HKDC1: variants seen among roughly 807,000 people sequenced by gnomAD.
The protein encoded by HKDC1 is hexokinase domain containing 1.
In HKDC1, 66 loss-of-function variants were observed where a neutral mutation model predicts 96.6. The observed-to-expected ratio is 0.68, with a 90% confidence interval of 0.56 to 0.84. HKDC1 has a LOEUF of 0.84. HKDC1 is among the 40% of genes least tolerant of loss of function. HKDC1 has a pLI of 0.00. For missense variants in HKDC1, 1,211 were observed against 1,208.1 expected (o/e 1.00, Z -0.04); for synonymous variants, 466 against 473.1 (o/e 0.98, Z 0.20).
At chr10:69,262,452 A>G (rs1843824679) in intron 16 of HKDC1, among the ~76,000 whole-genome samples, 1 of 152,048 alleles carries the variant, frequency 6.6e-6, no homozygotes, top group African/African-American at 2.4e-5. Flanking sequence ...CATCACCATC[A>G]GTTATGTACA....
At chr10:69,265,526 C>A in intron 16 of HKDC1, 59 bp from the exon 17 acceptor site, 2 of 1,468,600 alleles carry the variant, frequency 1.4e-6, no homozygotes, top group Non-Finnish European at 1.9e-6. Context: ...GTGGGTCACA[C>A]TGGGCACATC....
chr10:69,255,313 T>C (rs1311424122), intron 12 of HKDC1, among the ~76,000 whole-genome samples: 1 of 152,232 alleles, frequency 6.6e-6, no homozygotes, highest in Non-Finnish European at 1.5e-5. Context: ...GTCTCTCTAA[T>C]GTTCTACACA....
rs761892943 is a variant in HKDC1 at position 69,265,545 on chromosome 10, C to T, written c.2373-40C>T. 5 of 1,586,872 alleles carry T rather than the reference C, an allele frequency of 3.2e-6. No individual in the cohort carries two copies. In the South Asian group the frequency reaches 4.4e-5, roughly 14 times the overall value. ...GTCACACTGGGCACATCCCGGGGTC[C>T]TGGGAAGCAGGTCCTGACTCCCTGC... On this transcript the variant is annotated intron_variant, in intron 16 of 17. Coordinates refer to ENST00000354624, the MANE Select transcript of HKDC1 (RefSeq NM_025130.4).
intron 12 of HKDC1, among the ~76,000 whole-genome samples, chr10:69,255,858 G>A (rs549129903): frequency 5.9e-5 from 9 of 151,588 alleles, no homozygotes; most frequent in African/African-American, 1.5e-4. Context: ...CAGAGGTTGC[G>A]GTGAGTTGAG....
intron 12 of HKDC1, among the ~76,000 whole-genome samples, chr10:69,253,016 T>TGTGTGTGTG (rs1843668191): frequency 8.4e-6 from 1 of 119,010 alleles, no homozygotes; most frequent in African/African-American, 3.6e-5. Flanking sequence ...GTGTGTGTGT[T>TGTGTGTGTG]TCTGTGTGTA....
intron 12 of HKDC1, among the ~76,000 whole-genome samples, chr10:69,255,738 G>A (rs1483589593): frequency 6.6e-6 from 1 of 152,044 alleles, no homozygotes; most frequent in Non-Finnish European, 1.5e-5. Flanking sequence ...CCAACATGAT[G>A]AAACCTCGTC....
intron 12 of HKDC1, 144 bp from the exon 13 acceptor site, chr10:69,256,892 A>G (rs1276113036): frequency 4.5e-6 from 3 of 660,512 alleles, no homozygotes; most frequent in Non-Finnish European, 8.4e-6. Context: ...GCCCAGGGTT[A>G]GGGTTGTGGA....
chr10:69,238,710 G>A (rs962697784), intron 4 of HKDC1, among the ~76,000 whole-genome samples: 3 of 152,230 alleles, frequency 2.0e-5, no homozygotes, highest in African/African-American at 7.2e-5. Flanking sequence ...ATTCCTTTGA[G>A]AGAGGTAGGG....
Position 69,257,428 on chromosome 10 carries a change from TAGGTGGTC to T in HKDC1, c.2032+6_2032+13del, listed in dbSNP as rs748428843. 4.4e-6 allele frequency: 7 copies of T among 1,604,244 alleles called. No homozygotes were observed. The East Asian group carries it at 1.6e-4, about 36-fold the overall frequency. Reference sequence around the variant, plus strand: ...ATTGTGAGATTGGCCTGATTGCAGGTAGGTGGTCAGGCATGGCCCATTGGCCTAATCCC... The same window carrying T: ...ATTGTGAGATTGGCCTGATTGCAGGTAGGCATGGCCCATTGGCCTAATCCC... On this transcript the variant is annotated splice_donor_5th_base_variant and intron_variant, in intron 14 of 17. Transcript: ENST00000354624.
chr10:69,234,328 T>C (rs953376665), intron 4 of HKDC1, among the ~76,000 whole-genome samples: 3 of 152,248 alleles, frequency 2.0e-5, no homozygotes, highest in Non-Finnish European at 4.4e-5. Flanking sequence ...ACACATGGCT[T>C]TGAATCATGG....
At chr10:69,265,172 C>A (rs114778683) in intron 16 of HKDC1, among the ~76,000 whole-genome samples, 6 of 151,996 alleles carry the variant, frequency 3.9e-5, no homozygotes, top group Non-Finnish European at 7.4e-5. Context: ...GGAGCTGGCA[C>A]GATTTGTGGG....
chr10:69,231,463 C>T (rs1239164546), intron 2 of HKDC1, among the ~76,000 whole-genome samples: 2 of 152,082 alleles, frequency 1.3e-5, no homozygotes, highest in Non-Finnish European at 2.9e-5. Flanking sequence ...CATTCCTTTG[C>T]CCGTGGTTCC....
chr10:69,256,536 A>G (rs10998675), intron 12 of HKDC1, among the ~76,000 whole-genome samples: 48,052 of 151,938 alleles, frequency 0.32, 7,660 homozygotes, highest in Middle Eastern at 0.4. Flanking sequence ...GTGAAACCCC[A>G]TCTCTACTAA....
chr10:69,238,993 A>C, intron 4 of HKDC1, 49 bp from the exon 5 acceptor site: 4 of 1,367,044 alleles, frequency 2.9e-6, no homozygotes, highest in Non-Finnish European at 4.1e-6. Flanking sequence ...GCTCAGTTGC[A>C]CATCTCAGCA....
chr10:69,257,288 G>C (rs1261999579), intron 13 of HKDC1, 39 bp from the exon 14 acceptor site: 2 of 1,580,470 alleles, frequency 1.3e-6, no homozygotes, highest in Non-Finnish European at 1.7e-6. Context: ...TCAACTCATA[G>C]TAAAGCTGGG....
chr10:69,239,154 G>C lies in HKDC1; in HGVS notation c.591+17G>C. The C allele has an allele frequency of 1.3e-6, 2 of 1,596,332 alleles. No homozygotes were observed. The highest frequency in any genetic ancestry group is 8.6e-7 in the Non-Finnish European group (1 of 1,164,574). ...AGACACAAGGTGAGGAATTCACCTC[G>C]GTGTGGGAGGCTCTCCCAGCCCTAG... is the stretch of plus-strand genomic sequence containing the variant. On this transcript the variant is annotated intron_variant, in intron 5 of 17. Transcript: ENST00000354624.
rs778294147 is a variant in HKDC1 at position 69,250,283 on chromosome 10, A to G, written c.1571-7A>G. On this transcript the variant is annotated splice_polypyrimidine_tract_variant and splice_region_variant and intron_variant, in intron 10 of 17. Coordinates refer to ENST00000354624, the MANE Select transcript of HKDC1 (RefSeq NM_025130.4). ...ATGGAATGCAGCTGCTGCTTTCTCCATCACAGAGAAAGGAAAGTTTCTCGC... is the reference window on the plus strand; with the variant it reads ...ATGGAATGCAGCTGCTGCTTTCTCCGTCACAGAGAAAGGAAAGTTTCTCGC... 15 of 1,611,442 alleles carry G rather than the reference A, an allele frequency of 9.3e-6. No individual in the cohort carries two copies. The highest frequency in any genetic ancestry group is 1.2e-5 in the Non-Finnish European group (14 of 1,178,736).
Position 69,220,374 on chromosome 10 carries a change from C to A in HKDC1, c.-62C>A. ...CTGGAAGCGTGCAACACTCCAGAGT[C>A]GTAGGAGTGAACACTGCACAGGAAT... On this transcript the variant is annotated 5_prime_UTR_variant, in exon 1 of 18. Coordinates refer to ENST00000354624, the MANE Select transcript of HKDC1 (RefSeq NM_025130.4). The A allele has an allele frequency of 7.5e-7, 1 of 1,338,508 alleles. No homozygotes were observed. Among genetic ancestry groups the A allele is most frequent in the South Asian group, 1.4e-5 (1 of 70,838 alleles). The allele number at this position is 1,338,508 out of a possible 1,614,324, so 82.9% of individuals were successfully genotyped here.
At chr10:69,232,520 C>G in intron 2 of HKDC1, 1 of 533,886 alleles carries the variant, frequency 1.9e-6, no homozygotes, top group Non-Finnish European at 3.4e-6. Context: ...CACATTCCTA[C>G]AGCATGAGCC....
Sources: gnomAD v4.1 joint callset for allele counts (sites outside exome capture counted in the v4.1 genomes callset) on GRCh38, gnomAD v4.1.1 for gene constraint, MANE v1.5 for transcripts, NCBI Gene and HGNC (gene_info 2026-07-23, HGNC 2026-07-21) for gene names.